GRM8: variants seen among roughly 807,000 people sequenced by gnomAD.
GRM8 encodes glutamate metabotropic receptor 8, also known as metabotropic glutamate receptor 8.
A neutral mutation model predicts 87.2 loss-of-function variants in GRM8; 47 were observed. That is an observed-to-expected ratio of 0.54 (90% CI 0.43 to 0.69). GRM8 has a LOEUF of 0.69. GRM8 is among the 30% of genes least tolerant of loss of function. The probability of loss-of-function intolerance (pLI) is 0.00; values close to 1 mark genes in which losing one functional copy is unlikely to be tolerated. For missense variants in GRM8, 1,019 were observed against 1,139.2 expected (o/e 0.89, Z 1.52); for synonymous variants, 396 against 404.5 (o/e 0.98, Z 0.25).
chr7:127,192,707 C>G (rs978120808), intron 2 of GRM8, among the ~76,000 whole-genome samples: 2 of 152,208 alleles, frequency 1.3e-5, no homozygotes, highest in Non-Finnish European at 2.9e-5. Flanking sequence ...GACTGGGCTG[C>G]CATCCTTACA....
At chr7:127,091,268 G>T (rs1306049389) in intron 3 of GRM8, among the ~76,000 whole-genome samples, 7 of 151,914 alleles carry the variant, frequency 4.6e-5, no homozygotes, top group Admixed American at 3.9e-4. Flanking sequence ...GACAATTCCT[G>T]TCATACCCCA....
chr7:127,239,663 T>A (rs1798174055), intron 2 of GRM8, among the ~76,000 whole-genome samples: 1 of 152,218 alleles, frequency 6.6e-6, no homozygotes, highest in South Asian at 2.1e-4. Context: ...TTCATGTCCA[T>A]CCTAGCATAT....
At chr7:126,745,418 T>TATATTATATTA (rs1815539099) in intron 7 of GRM8, among the ~76,000 whole-genome samples, 2 of 150,690 alleles carry the variant, frequency 1.3e-5, no homozygotes, top group Non-Finnish European at 1.5e-5. Flanking sequence ...TATATTATAC[T>TATATTATATTA]TGTTTCTCTT....
At chr7:126,831,716 ACT>A in intron 6 of GRM8, among the ~76,000 whole-genome samples, 1 of 151,706 alleles carries the variant, frequency 6.6e-6, no homozygotes, top group Non-Finnish European at 1.5e-5. Flanking sequence ...ACTGTCTGGC[ACT>A]CCCTAGTGAG....
intron 6 of GRM8, among the ~76,000 whole-genome samples, chr7:126,879,254 C>T (rs531205542): frequency 2.5e-4 from 38 of 151,572 alleles, no homozygotes; most frequent in African/African-American, 8.2e-4. Context: ...GGGGAAGAGG[C>T]AATTTATTCA....
chr7:127,176,018 TG>T (rs1190930393), intron 2 of GRM8, among the ~76,000 whole-genome samples: 2 of 152,168 alleles, frequency 1.3e-5, no homozygotes, highest in African/African-American at 2.4e-5. Flanking sequence ...ATAAGTGAAA[TG>T]AATGACAGCA....
intron 7 of GRM8, among the ~76,000 whole-genome samples, chr7:126,753,336 C>T (rs1488822394): frequency 1.3e-5 from 2 of 151,556 alleles, no homozygotes; most frequent in African/African-American, 4.8e-5. Flanking sequence ...AGTTGCTCTA[C>T]TACACAGGAC....
chr7:127,087,251 CTT>C (rs1823605813), intron 3 of GRM8, among the ~76,000 whole-genome samples: 1 of 152,188 alleles, frequency 6.6e-6, no homozygotes, highest in Admixed American at 6.5e-5. Flanking sequence ...AGGGGAGAAA[CTT>C]TCAGTTTGGC....
At chr7:126,440,834 G>A (rs1296549372) in intron 10 of GRM8, among the ~76,000 whole-genome samples, 1 of 151,992 alleles carries the variant, frequency 6.6e-6, no homozygotes, top group African/African-American at 2.4e-5. Flanking sequence ...ATCCATGACT[G>A]TAGTAAAAAT....
intron 6 of GRM8, among the ~76,000 whole-genome samples, chr7:126,881,639 G>T (rs1800031256): frequency 6.6e-6 from 1 of 152,192 alleles, no homozygotes; most frequent in South Asian, 2.1e-4. Context: ...TAGCCTTCTG[G>T]AGGATGGCAA....
intron 2 of GRM8, among the ~76,000 whole-genome samples, chr7:127,205,147 T>G (rs1273569908): frequency 6.6e-6 from 1 of 152,248 alleles, no homozygotes; most frequent in Non-Finnish European, 1.5e-5. Flanking sequence ...AGTTTCTTTT[T>G]CAGTGAGAAC....
chr7:126,457,529 A>T (rs970222117), intron 9 of GRM8, among the ~76,000 whole-genome samples: 1 of 151,512 alleles, frequency 6.6e-6, no homozygotes, highest in Non-Finnish European at 1.5e-5. Flanking sequence ...TAGAAAATAG[A>T]ACTAGGTTGG....
rs1235885465 is a variant in GRM8 at position 126,631,386 on chromosome 7, CACAA to C, written c.1358-21892_1358-21889del. ...CACTGCCCAAAGAAATCAGAGATGACACAAACAAACGGAAACTCATTTCATAATC... is the reference window on the plus strand; with the variant it reads ...CACTGCCCAAAGAAATCAGAGATGACACAAACGGAAACTCATTTCATAATC... On this transcript the variant is annotated intron_variant, in intron 7 of 10. Transcript: ENST00000339582. Among the ~76,000 whole-genome samples the C allele has an allele frequency of 2.0e-5, 3 of 152,130 alleles. No homozygotes were observed. In the East Asian group the frequency reaches 5.8e-4, roughly 29 times the overall value.
intron 2 of GRM8, among the ~76,000 whole-genome samples, chr7:127,219,224 T>C (rs1402257650): frequency 1.3e-5 from 2 of 152,130 alleles, no homozygotes; most frequent in African/African-American, 2.4e-5. Context: ...CCAGGTGACA[T>C]CTCAGCCAAG....
intron 9 of GRM8, among the ~76,000 whole-genome samples, chr7:126,488,392 G>A (rs888473952): frequency 6.6e-6 from 1 of 151,968 alleles, no homozygotes; most frequent in Non-Finnish European, 1.5e-5. Context: ...CCCTGAAAAT[G>A]TCTTTGGGTA....
intron 2 of GRM8, among the ~76,000 whole-genome samples, chr7:127,232,022 A>T (rs942515158): frequency 2.6e-5 from 4 of 152,196 alleles, no homozygotes; most frequent in Admixed American, 2.6e-4. Flanking sequence ...TTACCACCCA[A>T]CACATGGATT....
chr7:126,901,097 C>T (rs183291965), intron 6 of GRM8, among the ~76,000 whole-genome samples: 13 of 152,274 alleles, frequency 8.5e-5, no homozygotes, highest in African/African-American at 2.9e-4. Context: ...GCTGTCATCA[C>T]GCTTCCTCTC....
intron 7 of GRM8, among the ~76,000 whole-genome samples, chr7:126,684,151 A>G (rs886596302): frequency 1.3e-5 from 2 of 152,114 alleles, no homozygotes; most frequent in African/African-American, 4.8e-5. Flanking sequence ...AAAAAATCAT[A>G]CTTAGGGCAC....
chr7:126,516,312 A>C (rs543237950), intron 9 of GRM8, among the ~76,000 whole-genome samples: 1 of 152,036 alleles, frequency 6.6e-6, no homozygotes, highest in Admixed American at 6.6e-5. Context: ...ATTTCTATTT[A>C]ATAAGTCTAG....
Sources: gnomAD v4.1 joint callset for allele counts (sites outside exome capture counted in the v4.1 genomes callset) on GRCh38, gnomAD v4.1.1 for gene constraint, MANE v1.5 for transcripts, NCBI Gene and HGNC (gene_info 2026-07-23, HGNC 2026-07-21) for gene names.